The following PSG2 variants were observed in gnomAD, a reference collection of about 807,000 sequenced individuals.
PSG2 encodes the protein pregnancy-specific beta-1-glycoprotein 2.
Under a neutral mutation model 36.2 loss-of-function variants are expected in PSG2, and 49 were observed. The ratio of observed to expected loss-of-function variants is 1.35; its 90% CI spans 1.08 to 1.72. The LOEUF is 1.72. Among genes scored for constraint, PSG2 ranks in the 40% most tolerant of loss-of-function variants. The probability of loss-of-function intolerance (pLI) is 0.00; values close to 1 mark genes in which losing one functional copy is unlikely to be tolerated. For missense variants in PSG2, 605 were observed against 407.2 expected (o/e 1.49, Z -4.18); for synonymous variants, 261 against 155.6 (o/e 1.68, Z -5.04).
At chr19:43,077,246 G>A (rs1207951638) in intron 2 of PSG2, among the ~76,000 whole-genome samples, 1 of 151,658 alleles carries the variant, frequency 6.6e-6, no homozygotes, top group Non-Finnish European at 1.5e-5. Context: ...GATGCCAAAG[G>A]TGATTGGAAA....
At chr19:43,070,285 G>A (rs962435177) in intron 4 of PSG2, among the ~76,000 whole-genome samples, 1 of 151,708 alleles carries the variant, frequency 6.6e-6, no homozygotes, top group Non-Finnish European at 1.5e-5. Flanking sequence ...GTAAAAATTG[G>A]TGTGCTGTTT....
rs991330588 is a variant in PSG2 at position 43,074,447 on chromosome 19, T to C, written c.709+907A>G. ...AACTTATTCCAAAATATTTTATTCC[T>C]TTTGATGTTAATGTGAATTGAATTT... On this transcript the variant is annotated intron_variant, in intron 3 of 5. Coordinates refer to ENST00000406487, the MANE Select transcript of PSG2 (RefSeq NM_031246.4). 2.3e-4 allele frequency among the ~76,000 whole-genome samples: 35 copies of C among 151,838 alleles called. 1 individual carries two copies. Among genetic ancestry groups the C allele is most frequent in the African/African-American group, 7.8e-4 (32 of 41,146 alleles).
In PSG2 at chr19:43,080,337, T is replaced by G. The variant is rs149046435; in HGVS notation, c.430+544A>C. 2.3e-3 allele frequency among the ~76,000 whole-genome samples: 345 copies of G among 151,918 alleles called. 13 individuals carry two copies. The highest frequency in any genetic ancestry group is 8.0e-3 in the African/African-American group (332 of 41,288). On this transcript the variant is annotated intron_variant, in intron 2 of 5. Coordinates refer to ENST00000406487, the MANE Select transcript of PSG2 (RefSeq NM_031246.4). The stretch of plus-strand genomic sequence containing the variant: ...ATTGCCCAGATGAGGCTCTGAGGGC[T>G]GAGCCCTAGCTGGTGAACAGCTCCA...
chr19:43,070,897 T>C (rs1055685437), intron 4 of PSG2, among the ~76,000 whole-genome samples: 1 of 151,764 alleles, frequency 6.6e-6, no homozygotes, highest in African/African-American at 2.4e-5. Flanking sequence ...GGCACTGCCC[T>C]TTTCCTGCCA....
In PSG2 at chr19:43,066,594, G is replaced by A. The variant is rs1967742564; in HGVS notation, c.971C>T (p.Thr324Ile). 1.3e-6 allele frequency: 2 copies of A among 1,598,876 alleles called. No individual in the cohort carries two copies. Among genetic ancestry groups the A allele is most frequent in the Non-Finnish European group, 1.7e-6 (2 of 1,166,878 alleles). ...AAGGAGAGGAAGAAGTCCTATTCTT[G>A]TAGAAGCTGTCATGGAAAGAAAAGT... ...TSLTVKVSAS[T>I]RIGLLPLLNP... The change falls in exon 5 of 6, where the codon ACA becomes ATA. Residue 324 changes from threonine (T) to isoleucine (I), a missense_variant. By Grantham distance (89) the Thr-to-Ile change is moderately conservative. Coordinates refer to ENST00000406487, the MANE Select transcript of PSG2 (RefSeq NM_031246.4).
chr19:43,071,878 G>A lies in PSG2; in HGVS notation c.786C>T (p.Phe262=), dbSNP rs200054104. The change falls in exon 4 of 6, where the codon TTC becomes TTT. Residue 262 remains phenylalanine (F), a synonymous_variant. Transcript: ENST00000406487. ...RSGDNLYLSC[F]ANSNPPAQYS... ...ACTGTGCCGGTGGGTTAGAGTTCGC[G>A]AAGCAAGACAAGTAGAGGTTATCTC... The A allele has an allele frequency of 2.7e-4, 435 of 1,612,882 alleles. 8 individuals carry two copies. The highest frequency in any genetic ancestry group is 3.3e-4 in the Non-Finnish European group (395 of 1,179,518).
intron 4 of PSG2, among the ~76,000 whole-genome samples, chr19:43,067,476 A>G (rs1967755810): frequency 6.6e-6 from 1 of 151,274 alleles, no homozygotes; most frequent in East Asian, 1.9e-4. Flanking sequence ...AAAAAGGTAG[A>G]TACTGTTGAG....
chr19:43,065,447 G>A (rs1967727184), intron 5 of PSG2: 1 of 151,600 alleles, frequency 6.6e-6, no homozygotes, highest in African/African-American at 2.4e-5. Flanking sequence ...TTACGTGTTA[G>A]TAGTGTCAGG....
chr19:43,076,729 G>A lies in PSG2; in HGVS notation c.431-1097C>T, dbSNP rs572331045. On this transcript the variant is annotated intron_variant, in intron 2 of 5. Transcript: ENST00000406487. ...CGGTTCCAGTTATGCAGGATAAGGA[G>A]GTTCTAGAGATCTCCTGTACAGCCT... is the stretch of plus-strand genomic sequence containing the variant. Among the ~76,000 whole-genome samples the A allele has an allele frequency of 5.3e-5, 8 of 151,712 alleles. 1 individual carries two copies. The highest frequency in any genetic ancestry group is 1.5e-4 in the African/African-American group (6 of 41,134).
chr19:43,076,763 T>C (rs1184995872), intron 2 of PSG2, among the ~76,000 whole-genome samples: 1 of 151,670 alleles, frequency 6.6e-6, no homozygotes, highest in Non-Finnish European at 1.5e-5. Context: ...CTCGTGCCTA[T>C]AGTTCATTCA....
Position 43,075,480 on chromosome 19 carries a change from G to A in PSG2, c.583C>T (p.Leu195=), listed in dbSNP as rs770107509. 1.9e-6 allele frequency: 3 copies of A among 1,613,210 alleles called. No individual in the cohort carries two copies. The highest frequency in any genetic ancestry group is 2.2e-5 in the East Asian group (1 of 44,874). The change falls in exon 3 of 6, where the codon CTG becomes TTG. Residue 195 remains leucine, a synonymous_variant. Coordinates refer to ENST00000406487, the MANE Select transcript of PSG2 (RefSeq NM_031246.4). The part of the protein sequence containing the change: ...QSLPMTHRFQ[L]SETNRTLFLF... ...AAGAGGGTCCTGTTGGTTTCGGACAGCTGAAACCTATGAGTCATAGGGAGG... is the reference window on the plus strand; with the variant it reads ...AAGAGGGTCCTGTTGGTTTCGGACAACTGAAACCTATGAGTCATAGGGAGG...
At chr19:43,076,878 T>C (rs1967904300) in intron 2 of PSG2, among the ~76,000 whole-genome samples, 1 of 151,620 alleles carries the variant, frequency 6.6e-6, no homozygotes, top group Non-Finnish European at 1.5e-5. Flanking sequence ...GCATCCCAAA[T>C]CTGAAAAATT....
chr19:43,071,764 A>G lies in PSG2; in HGVS notation c.900T>C (p.Val300=). The part of the protein sequence containing the change: ...QITTKHSGLY[V]CSVRNSATGE... ...CAGTGGCTGAGTTACGAACAGAGCAAACATAGAGCCCGCTATGCTTTGTAG... is the reference window on the plus strand; with the variant it reads ...CAGTGGCTGAGTTACGAACAGAGCAGACATAGAGCCCGCTATGCTTTGTAG... Residue 300 remains valine (V), a synonymous_variant, in exon 4 of 6, where the codon GTT becomes GTC. Coordinates refer to ENST00000406487, the MANE Select transcript of PSG2 (RefSeq NM_031246.4). 6.2e-7 allele frequency: 1 copy of G among 1,612,924 alleles called. No homozygotes were observed. The highest frequency in any genetic ancestry group is 8.5e-7 in the Non-Finnish European group (1 of 1,179,378).
intron 2 of PSG2, among the ~76,000 whole-genome samples, chr19:43,079,417 AG>A (rs1291894135): frequency 6.6e-6 from 1 of 151,512 alleles, no homozygotes; most frequent in East Asian, 1.9e-4. Context: ...AGGTGTGGCT[AG>A]GACCTCCTAG....
chr19:43,069,715 A>G (rs1173927136), intron 4 of PSG2, among the ~76,000 whole-genome samples: 1 of 151,734 alleles, frequency 6.6e-6, no homozygotes, highest in Non-Finnish European at 1.5e-5. Context: ...AATAGATCAA[A>G]GATCTAAATG....
chr19:43,081,350 GACACACACAC>G (rs56971156), intron 1 of PSG2, 104 bp from the exon 2 acceptor site: 11,073 of 854,384 alleles, frequency 0.013, 99 homozygotes, highest in East Asian at 0.062. Context: ...CAGCCTTGAA[GACACACACAC>G]ACACACACAC....
chr19:43,082,474 T>C (rs760781607), intron 1 of PSG2, 32 bp downstream of exon 1: 5 of 1,603,832 alleles, frequency 3.1e-6, no homozygotes, highest in Admixed American at 3.3e-5. Flanking sequence ...TTCTTCCTCC[T>C]CCTGTCCTCT....
chr19:43,067,073 G>T (rs1487616958), intron 4 of PSG2, among the ~76,000 whole-genome samples: 1 of 151,470 alleles, frequency 6.6e-6, no homozygotes, highest in Non-Finnish European at 1.5e-5. Context: ...CTCCCAGCAA[G>T]GGTGTGAAAG....
At chr19:43,080,750 A>C in intron 2 of PSG2, 131 bp downstream of exon 2, 1 of 1,566,886 alleles carries the variant, frequency 6.4e-7, no homozygotes, top group Non-Finnish European at 8.8e-7. Flanking sequence ...CCTGCACTAA[A>C]TGCCCAAACC....
Sources: allele counts gnomAD v4.1 joint callset (sites outside exome capture counted in the v4.1 genomes callset), GRCh38; gene constraint gnomAD v4.1.1; transcripts MANE v1.5; gene names NCBI Gene and HGNC (gene_info 2026-07-23, HGNC 2026-07-21).